Variants in GALNT11 observed in about 807,000 individuals in gnomAD.
The protein encoded by GALNT11 is UDP-GalNAc:polypeptide N-acetylgalactosaminyltransferase 11.
In GALNT11, 47 loss-of-function variants were observed where a neutral mutation model predicts 72.7. The observed-to-expected ratio is 0.65, with a 90% CI of 0.51 to 0.82. The LOEUF (loss-of-function observed/expected upper bound fraction) is 0.82, where lower values mean the gene tolerates loss of function less well. Ranked by LOEUF, GALNT11 falls within the 40% of genes least tolerant of loss-of-function variation. GALNT11 has a pLI of 0.00. For missense variants in GALNT11, 677 were observed against 778.4 expected (o/e 0.87, Z 1.55); for synonymous variants, 270 against 286.6 (o/e 0.94, Z 0.58).
At position 152,121,747 on chromosome 7, in the gene GALNT11, A is replaced by G. The variant is rs1429120624; in HGVS notation, c.*70A>G. ...CGGTGTGGAGTTTGGGGCTTTAGGA[A>G]AGCCTGGGTTGGGTGGAGCAGAACC... is the stretch of plus-strand genomic sequence containing the variant. On this transcript the variant is annotated 3_prime_UTR_variant, in exon 12 of 12. Coordinates refer to ENST00000430044, the MANE Select transcript of GALNT11 (RefSeq NM_022087.4). 1.1e-5 allele frequency: 17 copies of G among 1,561,114 alleles called. No individual in the cohort carries two copies. Among genetic ancestry groups the G allele is most frequent in the Non-Finnish European group, 1.5e-5 (17 of 1,149,822 alleles).
At chr7:152,099,233 C>T (rs1033034363) in intron 2 of GALNT11, among the ~76,000 whole-genome samples, 8 of 151,982 alleles carry the variant, frequency 5.3e-5, no homozygotes, top group African/African-American at 1.9e-4. Context: ...TGAGCCACCA[C>T]GCCCGGCTGG....
At chr7:152,031,520 G>A (rs1039530467) in intron 1 of GALNT11, among the ~76,000 whole-genome samples, 12 of 152,200 alleles carry the variant, frequency 7.9e-5, no homozygotes, top group Admixed American at 7.8e-4. Context: ...GAGTAGTCCA[G>A]ACAGTGAGAT....
chr7:152,079,910 C>T (rs2085218956), intron 1 of GALNT11, among the ~76,000 whole-genome samples: 1 of 152,068 alleles, frequency 6.6e-6, no homozygotes, highest in Non-Finnish European at 1.5e-5. Flanking sequence ...ATTTGTAATG[C>T]AAGAGTATCT....
chr7:152,108,672 T>C (rs2087850542), intron 6 of GALNT11, among the ~76,000 whole-genome samples: 1 of 152,254 alleles, frequency 6.6e-6, no homozygotes, highest in Non-Finnish European at 1.5e-5. Flanking sequence ...AAAACATTAA[T>C]ACGTAAGCCT....
chr7:152,026,101 C>G (rs2081998693), intron 1 of GALNT11, among the ~76,000 whole-genome samples: 1 of 152,094 alleles, frequency 6.6e-6, no homozygotes, highest in Admixed American at 6.5e-5. Context: ...GAGGCTTGTT[C>G]GCGGGCGTGG....
intron 1 of GALNT11, among the ~76,000 whole-genome samples, chr7:152,045,268 C>G (rs2083064465): frequency 6.6e-6 from 1 of 151,852 alleles, no homozygotes; most frequent in Non-Finnish European, 1.5e-5. Flanking sequence ...GTGTCTTTGT[C>G]TGGTTTTGGT....
At chr7:152,111,644 A>T (rs35484534) in intron 7 of GALNT11, among the ~76,000 whole-genome samples, 7,494 of 139,256 alleles carry the variant, frequency 0.054, 336 homozygotes, top group African/African-American at 0.13. Flanking sequence ...ATATATATAT[A>T]TTTTTTTAAA....
At chr7:152,096,400 G>A (rs1191707900) in intron 2 of GALNT11, among the ~76,000 whole-genome samples, 7 of 152,034 alleles carry the variant, frequency 4.6e-5, no homozygotes, top group Non-Finnish European at 4.4e-5. Flanking sequence ...AAAAACTTTC[G>A]TACATCAAAT....
At chr7:152,092,758 G>A (rs1430331694) in intron 1 of GALNT11, among the ~76,000 whole-genome samples, 1 of 152,128 alleles carries the variant, frequency 6.6e-6, no homozygotes, top group African/African-American at 2.4e-5. Flanking sequence ...ATTTTATGCT[G>A]TAGAAATAAG....
At chr7:152,100,649 G>T in intron 2 of GALNT11, 149 bp from the exon 3 acceptor site, 1 of 872,780 alleles carries the variant, frequency 1.1e-6, no homozygotes. Flanking sequence ...ATAAGAATTT[G>T]ACTTCAACCT....
chr7:152,048,103 A>C (rs577467614), intron 1 of GALNT11, among the ~76,000 whole-genome samples: 1 of 152,170 alleles, frequency 6.6e-6, no homozygotes, highest in South Asian at 2.1e-4. Context: ...AGTGTTGATG[A>C]AATCCCTCAG....
At chr7:152,074,242 C>G (rs2084824386) in intron 1 of GALNT11, 1 of 152,082 alleles carries the variant, frequency 6.6e-6, no homozygotes, top group African/African-American at 2.4e-5. Flanking sequence ...AGGCATTTCC[C>G]CTGTTTTCTT....
At chr7:152,037,088 G>A (rs2151996568) in intron 1 of GALNT11, among the ~76,000 whole-genome samples, 1 of 152,268 alleles carries the variant, frequency 6.6e-6, no homozygotes, top group South Asian at 2.1e-4. Flanking sequence ...AACTTGATGT[G>A]ATACCATTTG....
At chr7:152,105,497 T>C (rs1469601162) in intron 5 of GALNT11, 127 bp downstream of exon 5, 2 of 1,386,700 alleles carry the variant, frequency 1.4e-6, no homozygotes, top group African/African-American at 2.9e-5. Flanking sequence ...GCAGGAGAGA[T>C]GAGGCTTGTT....
intron 1 of GALNT11, among the ~76,000 whole-genome samples, chr7:152,080,263 C>T (rs1443164770): frequency 6.6e-6 from 1 of 152,090 alleles, no homozygotes; most frequent in Non-Finnish European, 1.5e-5. Context: ...TATGGAAATC[C>T]CCTTTGCTTG....
chr7:152,036,743 A>G (rs1446529960), intron 1 of GALNT11, among the ~76,000 whole-genome samples: 1 of 152,186 alleles, frequency 6.6e-6, no homozygotes, highest in African/African-American at 2.4e-5. Context: ...CATCCTCACC[A>G]TCATTCATTA....
At chr7:152,077,989 CAGT>C (rs2085083245) in intron 1 of GALNT11, among the ~76,000 whole-genome samples, 1 of 151,446 alleles carries the variant, frequency 6.6e-6, no homozygotes, top group Non-Finnish European at 1.5e-5. Flanking sequence ...CTAAAAAATA[CAGT>C]AGCCAAAATG....
intron 1 of GALNT11, among the ~76,000 whole-genome samples, chr7:152,039,751 A>G (rs1029398247): frequency 2.0e-4 from 31 of 152,148 alleles, no homozygotes; most frequent in Admixed American, 1.9e-3. Flanking sequence ...TCGGCTGTTG[A>G]TTTGGTCCTG....
intron 1 of GALNT11, among the ~76,000 whole-genome samples, chr7:152,039,561 G>A (rs1281824473): frequency 6.6e-6 from 1 of 152,150 alleles, no homozygotes; most frequent in Non-Finnish European, 1.5e-5. Context: ...ATCTGTGACA[G>A]CTTCTTGATC....
Sources: allele counts gnomAD v4.1 joint callset (sites outside exome capture counted in the v4.1 genomes callset), GRCh38; gene constraint gnomAD v4.1.1; transcripts MANE v1.5; gene names NCBI Gene and HGNC (gene_info 2026-07-23, HGNC 2026-07-21).